BCORL1: variants seen among roughly 807,000 people sequenced by gnomAD.
BCORL1 encodes BCL-6 corepressor-like protein 1.
In BCORL1, 7 loss-of-function variants were observed where a neutral mutation model predicts 87.6. The observed-to-expected ratio is 0.08, with a 90% CI of 0.05 to 0.15. The LOEUF (loss-of-function observed/expected upper bound fraction) is 0.15. BCORL1 is among the 10% of genes least tolerant of loss of function. The pLI is 1.00. For missense variants in BCORL1, 1,215 were observed against 1,499.7 expected (o/e 0.81, Z 3.13); for synonymous variants, 591 against 634.4 (o/e 0.93, Z 1.03).
chrX:130,030,024 G>A lies in BCORL1; in HGVS notation c.4305+1163G>A, dbSNP rs760681809. 3.6e-5 allele frequency among the ~76,000 whole-genome samples: 4 copies of A among 111,038 alleles called. No individual in the cohort carries two copies. In the East Asian group the frequency reaches 8.5e-4, roughly 24 times the overall value. On this transcript the variant is annotated intron_variant, in intron 8 of 13. Coordinates refer to ENST00000540052, the MANE Select transcript of BCORL1 (RefSeq NM_001379451.1). ...CAAGAGGTGGGAGCCCCAAGTGCTC[G>A]TCTCCCCTCCTTTCCCCTTCCCCCT...
rs775754910 is a variant in BCORL1 at position 129,998,114 on chromosome X, T to G, written c.-44-7074T>G. ...ATCTTTTGAGTTTTTTCCCCCAAAG[T>G]AGGGATAGCTCACAGTGGTTCCTCT... On this transcript the variant is annotated intron_variant, in intron 1 of 13. Transcript: ENST00000540052. 2.7e-5 allele frequency among the ~76,000 whole-genome samples: 3 copies of G among 110,149 alleles called. No individual in the cohort carries two copies. The South Asian group carries it at 1.1e-3, about 42-fold the overall frequency.
intron 11 of BCORL1, among the ~76,000 whole-genome samples, chrX:130,039,598 G>A (rs1301961218): frequency 8.8e-6 from 1 of 113,263 alleles, no homozygotes; most frequent in East Asian, 2.8e-4. Flanking sequence ...AGTAGACCTA[G>A]CTGGGGGCAG....
At chrX:130,004,472 T>C (rs1207505814) in intron 1 of BCORL1, among the ~76,000 whole-genome samples, 1 of 111,019 alleles carries the variant, frequency 9.0e-6, no homozygotes, top group African/African-American at 3.3e-5. Context: ...CTCGAGCTCC[T>C]GACCTCAGGT....
chrX:130,025,223 G>A lies in BCORL1; in HGVS notation c.3922G>A (p.Ala1308Thr). 8.3e-7 allele frequency: 1 copy of A among 1,211,102 alleles called. No homozygotes were observed. The highest frequency in any genetic ancestry group is 1.1e-6 in the Non-Finnish European group (1 of 895,077). The part of the protein sequence containing the change: ...AREMPWRTEA[A>T]RQMWDTNEEE... ...AGAAATGCCCTGGAGGACAGAGGCT[G>A]CCCGGCAAATGTGGGACACCAATGA... The change falls in exon 7 of 14, where the codon GCC becomes ACC. Residue 1308 changes from alanine to threonine, a missense_variant. Physicochemically the swap from Ala to Thr is moderately conservative, Grantham distance 58. Transcript: ENST00000540052.
At chrX:130,050,599 C>T in intron 11 of BCORL1, 118 bp from the exon 12 acceptor site, 2 of 603,248 alleles carry the variant, frequency 3.3e-6, no homozygotes, top group Non-Finnish European at 5.7e-6. Flanking sequence ...CTCCTGGACT[C>T]TCTTGTGGTC....
chrX:130,000,767 T>C (rs752923269), intron 1 of BCORL1, among the ~76,000 whole-genome samples: 29 of 112,498 alleles, frequency 2.6e-4, no homozygotes, highest in Non-Finnish European at 5.3e-4. Flanking sequence ...ATTACAGAGA[T>C]GCAAAATAGC....
Position 130,056,376 on chromosome X carries a change from A to C in BCORL1, c.*240A>C. ...GTTGCTGATGGGGGTGGAAAGTTGA[A>C]CTCCATGTCTGAGGACAAGAGGTCC... On this transcript the variant is annotated 3_prime_UTR_variant, in exon 14 of 14. Coordinates refer to ENST00000540052, the MANE Select transcript of BCORL1 (RefSeq NM_001379451.1). The C allele has an allele frequency of 3.1e-6, 1 of 321,331 alleles. No homozygotes were observed. Among genetic ancestry groups the C allele is most frequent in the Non-Finnish European group, 5.3e-6 (1 of 189,275 alleles). 26.5% of individuals were successfully genotyped at this position (321,331 alleles called of 1,213,427 possible). A position where few individuals can be genotyped will look rare whatever the true frequency, so the allele number is the denominator to read the frequency against.
rs1281787562 is a variant in BCORL1, at chrX:130,012,651, A to G, written c.160A>G (p.Ser54Gly). The change falls in exon 3 of 14, where the codon AGC becomes GGC. Residue 54 changes from serine to glycine, a missense_variant. Coordinates refer to ENST00000540052, the MANE Select transcript of BCORL1 (RefSeq NM_001379451.1). ...QHFGSQEFCV[S>G]SSFSKVELTA... ...CTTTGGATCTCAGGAGTTTTGTGTC[A>G]GCAGCAGTTTTTCCAAGGTAAGAGG... 6.6e-6 allele frequency: 8 copies of G among 1,209,261 alleles called. No individual in the cohort carries two copies. Among genetic ancestry groups the G allele is most frequent in the Non-Finnish European group, 8.9e-6 (8 of 894,457 alleles).
chrX:130,055,840 C>A lies in BCORL1; in HGVS notation c.5076-14C>A. The A allele has an allele frequency of 8.4e-7, 1 of 1,193,891 alleles. No homozygotes were observed. The highest frequency in any genetic ancestry group is 1.1e-6 in the Non-Finnish European group (1 of 885,654). On this transcript the variant is annotated splice_polypyrimidine_tract_variant and intron_variant, in intron 13 of 13. Coordinates refer to ENST00000540052, the MANE Select transcript of BCORL1 (RefSeq NM_001379451.1). ...TCCAGCCTCCTTCAATAACTCCCAT[C>A]CTTGCCTTTGCAGGCCCTGCAACTG...
intron 1 of BCORL1, among the ~76,000 whole-genome samples, chrX:129,986,858 A>G (rs189274949): frequency 8.9e-6 from 1 of 111,969 alleles, no homozygotes; most frequent in East Asian, 2.8e-4. Flanking sequence ...AAAAAAGAAA[A>G]AAGAAAAAAA....
chrX:130,055,755 T>TAACACAAA (rs1932340259), intron 13 of BCORL1, 99 bp from the exon 14 acceptor site: 8 of 909,381 alleles, frequency 8.8e-6, no homozygotes, highest in Non-Finnish European at 1.2e-5. Context: ...GAGACATTGA[T>TAACACAAA]GGTCGTGCAG....
intron 8 of BCORL1, among the ~76,000 whole-genome samples, chrX:130,031,340 T>A (rs1299574409): frequency 8.9e-6 from 1 of 112,451 alleles, no homozygotes; most frequent in East Asian, 2.8e-4. Context: ...CTTCTCGCTG[T>A]CTTGGGATTG....
At chrX:129,989,067 C>T (rs956718607) in intron 1 of BCORL1, among the ~76,000 whole-genome samples, 7 of 111,260 alleles carry the variant, frequency 6.3e-5, no homozygotes, top group Admixed American at 1.9e-4. Context: ...CTTTGGAGAC[C>T]GACAACCTCA....
At chrX:130,033,273 G>T (rs771846022) in intron 8 of BCORL1, among the ~76,000 whole-genome samples, 2 of 110,534 alleles carry the variant, frequency 1.8e-5, no homozygotes, top group African/African-American at 6.6e-5. Flanking sequence ...AGTAGAGGCT[G>T]GGTTTCACTG....
intron 8 of BCORL1, 37 bp downstream of exon 8, chrX:130,028,898 G>A: frequency 1.2e-6 from 1 of 833,520 alleles, no homozygotes; most frequent in South Asian, 2.4e-5. Flanking sequence ...GAAGGTGTGT[G>A]TGGCGGGGGG....
rs1929432218 is a variant in BCORL1, at chrX:130,016,210, C to G, written c.3438C>G (p.Pro1146=). The G allele has an allele frequency of 4.2e-6, 5 of 1,196,102 alleles. No homozygotes were observed. Among genetic ancestry groups the G allele is most frequent in the Middle Eastern group, 2.4e-4 (1 of 4,141 alleles). ...AKAVVRSSHR[P]KCRKLPSDPQ... is the part of the protein sequence containing the mutation. ...CCGTGGTCCGGAGTTCCCACAGACC[C>G]AAGGTGAGTGCTGAGCTAAGGTCCA... Residue 1146 remains proline, a synonymous_variant, in exon 4 of 14, where the codon CCC becomes CCG. Transcript: ENST00000540052.
rs1277850117 is a variant in BCORL1, at chrX:130,039,281, T to C, written c.4839T>C (p.Ser1613=). Reference sequence around the variant, plus strand: ...GCGACACCATGAAGCGCTTTCTCAGTGGTAAGCATGGTCCAGACTTGACAC... The same window carrying C: ...GCGACACCATGAAGCGCTTTCTCAGCGGTAAGCATGGTCCAGACTTGACAC... The part of the protein sequence containing the change: ...ASSDTMKRFL[S]DHLSDLQGRA... Residue 1613 remains serine (S), a splice_region_variant and synonymous_variant, in exon 11 of 14, where the codon AGT becomes AGC. Coordinates refer to ENST00000540052, the MANE Select transcript of BCORL1 (RefSeq NM_001379451.1). The C allele has an allele frequency of 1.7e-6, 2 of 1,206,803 alleles. No homozygotes were observed. The highest frequency in any genetic ancestry group is 2.2e-6 in the Non-Finnish European group (2 of 895,078).
chrX:130,038,148 C>T (rs1931070132), intron 10 of BCORL1, among the ~76,000 whole-genome samples: 1 of 111,436 alleles, frequency 9.0e-6, no homozygotes, highest in Non-Finnish European at 1.9e-5. Context: ...ACTCGGTCTT[C>T]CCTCAACTCA....
In BCORL1 at chrX:129,992,979, A is replaced by G. The variant is rs924492424; in HGVS notation, c.-45+10217A>G. Among the ~76,000 whole-genome samples, 3 of 112,020 alleles carry G rather than the reference A, an allele frequency of 2.7e-5. No homozygotes were observed. In the Admixed American group the frequency reaches 2.9e-4, roughly 11 times the overall value. ...CAGAAGCATCTCAAAAGGGATTCAGAATGTCTCATATTACAATGATTCAAG... is the reference window on the plus strand; with the variant it reads ...CAGAAGCATCTCAAAAGGGATTCAGGATGTCTCATATTACAATGATTCAAG... On this transcript the variant is annotated intron_variant, in intron 1 of 13. Transcript: ENST00000540052.
Sources: gnomAD v4.1 joint callset for allele counts (sites outside exome capture counted in the v4.1 genomes callset) on GRCh38, gnomAD v4.1.1 for gene constraint, MANE v1.5 for transcripts, NCBI Gene and HGNC (gene_info 2026-07-23, HGNC 2026-07-21) for gene names.